The following NEMP2 variants were observed in gnomAD, a reference collection of about 807,000 sequenced individuals.
NEMP2 encodes the protein UPF0571 transmembrane protein.
NEMP2 carries 53 observed loss-of-function variants against 54.2 expected under a neutral mutation model. The ratio of observed to expected loss-of-function variants is 0.98; its 90% CI spans 0.78 to 1.23. The LOEUF (loss-of-function observed/expected upper bound fraction) is 1.23. Among genes scored for constraint, NEMP2 ranks in the 50% most tolerant of loss-of-function variants. The pLI is 0.00. For synonymous variants in NEMP2, 197 were observed against 190.3 expected, an observed-to-expected ratio of 1.04 and a Z score of -0.29; for missense variants, 455 against 511.3, an observed-to-expected ratio of 0.89 and a Z score of 1.06.
the NEMP2 span, among the ~76,000 whole-genome samples, chr2:190,485,946 T>A: frequency 6.6e-6 from 1 of 152,250 alleles, no homozygotes; most frequent in East Asian, 1.9e-4. This position sits in a 1 kb window ranked among gnomAD's most constrained non-coding sequence, Gnocchi z 5.1. Flanking sequence ...ATGGACTGAC[T>A]TAAGTAATAT....
chr2:190,432,426 G>A, the NEMP2 span, among the ~76,000 whole-genome samples: 36 of 152,014 alleles, frequency 2.4e-4, no homozygotes, highest in Non-Finnish European at 4.7e-4. Context: ...GTTTGTTTTT[G>A]TTTTTTGAGA....
At chr2:190,500,752 AAAGTT>A (rs1689987314), downstream of NEMP2, 1 of 152,870 alleles carries the variant, frequency 6.5e-6, no homozygotes, top group South Asian at 2.1e-4. The surrounding 1 kb of genome is among the most constrained non-coding windows in gnomAD (Gnocchi z 5.3). Context: ...TGTTAAAAAT[AAAGTT>A]AAAAGTTAAA....
the NEMP2 span, among the ~76,000 whole-genome samples, chr2:190,446,834 A>G: frequency 1.3e-5 from 2 of 152,250 alleles, no homozygotes; most frequent in South Asian, 2.1e-4. Flanking sequence ...TTAAATGTCA[A>G]CCTCCTTCAG....
chr2:190,428,240 T>G, the NEMP2 span, among the ~76,000 whole-genome samples: 1,642 of 152,342 alleles, frequency 0.011, 13 homozygotes, highest in South Asian at 0.062. Flanking sequence ...ACAATTTATG[T>G]ATCTGCTGTA....
the NEMP2 span, among the ~76,000 whole-genome samples, chr2:190,431,530 C>G: frequency 1.3e-5 from 2 of 152,346 alleles, no homozygotes; most frequent in African/African-American, 4.8e-5. This position sits in a 1 kb window ranked among gnomAD's most constrained non-coding sequence, Gnocchi z 4.4. Context: ...CAGCGAAACC[C>G]CGTCTCCACC....
At chr2:190,598,198 G>A in the NEMP2 span, among the ~76,000 whole-genome samples, 1 of 152,146 alleles carries the variant, frequency 6.6e-6, no homozygotes, top group Non-Finnish European at 1.5e-5. Context: ...GGGGAGGGGA[G>A]AGCAAAATCA....
the NEMP2 span, among the ~76,000 whole-genome samples, chr2:190,468,233 A>G: frequency 6.6e-6 from 1 of 152,212 alleles, no homozygotes; most frequent in Non-Finnish European, 1.5e-5. Flanking sequence ...TAATGTCCAT[A>G]GAACAAGATG....
At chr2:190,536,606 A>G (rs1691385273), upstream of NEMP2, among the ~76,000 whole-genome samples, 1 of 152,324 alleles carries the variant, frequency 6.6e-6, no homozygotes, top group East Asian at 1.9e-4. Context: ...TTTCCCCACT[A>G]CAAGCCAAGC....
the NEMP2 span, among the ~76,000 whole-genome samples, chr2:190,432,739 C>T: frequency 4.9e-3 from 748 of 152,176 alleles, 16 homozygotes; most frequent in Non-Finnish European, 7.1e-3. Flanking sequence ...TTTTACTTTC[C>T]AGAGGAAAAT....
At chr2:190,438,987 G>A in the NEMP2 span, among the ~76,000 whole-genome samples, 5,878 of 152,020 alleles carry the variant, frequency 0.039, 186 homozygotes, top group Non-Finnish European at 0.054. This position sits in a 1 kb window ranked among gnomAD's most constrained non-coding sequence, Gnocchi z 5.2. Flanking sequence ...CCAAAGTCAG[G>A]GACTGTGTGG....
the NEMP2 span, among the ~76,000 whole-genome samples, chr2:190,561,361 T>G: frequency 6.6e-6 from 1 of 152,198 alleles, no homozygotes; most frequent in African/African-American, 2.4e-5. This position sits in a 1 kb window ranked among gnomAD's most constrained non-coding sequence, Gnocchi z 5.4. Flanking sequence ...CAAGGGTGGC[T>G]TAAACAACAG....
At chr2:190,502,111 A>G (rs562664275), downstream of NEMP2, 1 of 152,660 alleles carries the variant, frequency 6.6e-6, no homozygotes, top group African/African-American at 2.4e-5. The surrounding 1 kb of genome is among the most constrained non-coding windows in gnomAD (Gnocchi z 4.4). Flanking sequence ...TGACCAAACA[A>G]AAGTCCTATA....
the NEMP2 span, among the ~76,000 whole-genome samples, chr2:190,579,485 A>T: frequency 6.6e-6 from 1 of 152,156 alleles, no homozygotes. Flanking sequence ...CCGAAGAATT[A>T]TGCAAAAACT....
At chr2:190,437,107 T>C in the NEMP2 span, 1 of 1,614,056 alleles carries the variant, frequency 6.2e-7, no homozygotes, top group Non-Finnish European at 8.5e-7. This position sits in a 1 kb window ranked among gnomAD's most constrained non-coding sequence, Gnocchi z 5.9. Context: ...TGGAAAGGGG[T>C]GTAAGCCCCC....
chr2:190,483,145 G>A, the NEMP2 span, among the ~76,000 whole-genome samples: 1 of 151,890 alleles, frequency 6.6e-6, no homozygotes. Flanking sequence ...ACCCGCCTCG[G>A]CCTCCCAAAG....
the NEMP2 span, among the ~76,000 whole-genome samples, chr2:190,614,653 G>A: frequency 6.6e-6 from 1 of 152,200 alleles, no homozygotes. The surrounding 1 kb of genome is among the most constrained non-coding windows in gnomAD (Gnocchi z 5.7). Flanking sequence ...AAGGGAATAA[G>A]ACAGATACAC....
chr2:190,448,326 A>G, the NEMP2 span, among the ~76,000 whole-genome samples: 2 of 152,208 alleles, frequency 1.3e-5, no homozygotes, highest in African/African-American at 4.8e-5. Flanking sequence ...CCCTGGAGAA[A>G]CTCATACACA....
the NEMP2 span, chr2:190,442,533 T>C: frequency 6.6e-6 from 1 of 151,938 alleles, no homozygotes. Flanking sequence ...AGAAGGTTCT[T>C]AAAATAGTCC....
chr2:190,437,113 C>T, the NEMP2 span: 5 of 1,614,208 alleles, frequency 3.1e-6, no homozygotes, highest in Non-Finnish European at 4.2e-6. This position sits in a 1 kb window ranked among gnomAD's most constrained non-coding sequence, Gnocchi z 5.9. Flanking sequence ...GGGGTGTAAG[C>T]CCCCCGAGTA....
Sources: gnomAD v4.1 joint callset for allele counts (sites outside exome capture counted in the v4.1 genomes callset) on GRCh38, gnomAD v4.1.1 for gene constraint, Gnocchi (gnomAD v3.1) non-coding constraint, MANE v1.5 for transcripts, NCBI Gene and HGNC (gene_info 2026-07-23, HGNC 2026-07-21) for gene names.